The following HDAC7 variants were observed in gnomAD, a reference collection of about 807,000 sequenced individuals.
HDAC7 encodes histone deacetylase 7.
HDAC7 carries 26 observed loss-of-function variants against 115.5 expected under a neutral mutation model. The ratio of observed to expected loss-of-function variants is 0.23; its 90% confidence interval spans 0.16 to 0.31. The LOEUF (loss-of-function observed/expected upper bound fraction) is 0.31, where lower values mean the gene tolerates loss of function less well. HDAC7 is among the 10% of genes least tolerant of loss of function. HDAC7 has a pLI of 1.00. For missense variants in HDAC7, 1,068 were observed against 1,329.0 expected, an observed-to-expected ratio of 0.80 and a Z score of 3.05; for synonymous variants, 564 against 550.9, an observed-to-expected ratio of 1.02 and a Z score of -0.33.
intron 1 of HDAC7, 133 bp from the exon 2 acceptor site, chr12:47,802,407 A>G (rs560120680): frequency 6.5e-7 from 1 of 1,539,494 alleles, no homozygotes; most frequent in South Asian, 1.2e-5. Context: ...GACCTCCACC[A>G]GAAGCTAATC....
At position 47,798,526 on chromosome 12, in the gene HDAC7, T is replaced by TGGGGCTGGGC. The variant is rs1555141679; in HGVS notation, c.349+26_349+35dup. 1 of 1,591,354 alleles carries TGGGGCTGGGC rather than the reference T, an allele frequency of 6.3e-7. No individual in the cohort carries two copies. The highest frequency in any genetic ancestry group is 8.6e-7 in the Non-Finnish European group (1 of 1,161,838). ...CAGGCAGCCGCAGGCACCTGGCTGG[T>TGGGGCTGGGC]GGGGCTGGGCTGGGCTGGGGTGGCC... On this transcript the variant is annotated intron_variant, in intron 4 of 25. Transcript: ENST00000080059. The surrounding 1 kb of genome is among the most constrained non-coding windows in gnomAD (Gnocchi z 4.3).
At chr12:47,791,213 C>G in intron 16 of HDAC7, 46 bp downstream of exon 16, 3 of 1,525,852 alleles carry the variant, frequency 2.0e-6, no homozygotes, top group Non-Finnish European at 2.7e-6. Context: ...GGGAGGAGAG[C>G]TGAGAGCCCT....
chr12:47,786,252 C>T lies in HDAC7; in HGVS notation c.2572+333G>A, dbSNP rs1053111851. Among the ~76,000 whole-genome samples, 11 of 152,238 alleles carry T rather than the reference C, an allele frequency of 7.2e-5. 1 individual carries two copies. The highest frequency in any genetic ancestry group is 2.6e-4 in the Admixed American group (4 of 15,292). ...GAGAGTGCTGCTTCTCTCTCCCCTT[C>T]CTCTGGAGGAGCTGCCAGCCCACCT... On this transcript the variant is annotated intron_variant, in intron 22 of 25. Coordinates refer to ENST00000080059, the MANE Select transcript of HDAC7 (RefSeq NM_015401.5).
chr12:47,821,182 C>T (rs930869967), upstream of HDAC7, among the ~76,000 whole-genome samples: 8 of 152,190 alleles, frequency 5.3e-5, no homozygotes. Context: ...ATTGAGGCAG[C>T]CCCAGAGGTG....
intron 12 of HDAC7, among the ~76,000 whole-genome samples, chr12:47,794,377 A>G (rs915280699): frequency 1.3e-5 from 2 of 152,238 alleles, no homozygotes; most frequent in African/African-American, 4.8e-5. Flanking sequence ...TGATTCCCAC[A>G]GTGAGAGCAT....
chr12:47,784,861 C>T lies in HDAC7; in HGVS notation c.2791+526G>A. 6 of 1,259,334 alleles carry T rather than the reference C, an allele frequency of 4.8e-6. No homozygotes were observed. In the Admixed American group the frequency reaches 6.1e-5, roughly 13 times the overall value. The allele number at this position is 1,259,334 out of a possible 1,614,324, so 78.0% of individuals were successfully genotyped here. ...GTAAAGACATCACGGCTCCCCTACC[C>T]AGCCCTTGATATGGGAATCTATTTT... is the stretch of plus-strand genomic sequence containing the variant. On this transcript the variant is annotated intron_variant, in intron 24 of 25. Coordinates refer to ENST00000080059, the MANE Select transcript of HDAC7 (RefSeq NM_015401.5).
rs1303412314 is a variant in HDAC7 at position 47,788,105 on chromosome 12, G to A, written c.2295C>T (p.Tyr765=). 5 of 1,613,718 alleles carry A rather than the reference G, an allele frequency of 3.1e-6. No homozygotes were observed. The Admixed American group carries it at 6.7e-5, about 22-fold the overall frequency. Residue 765 remains tyrosine (Y), a synonymous_variant, in exon 20 of 26, where the codon TAC becomes TAT. Transcript: ENST00000080059. ...QTFYQDPSVL[Y]ISLHRHDDGN... is the part of the protein sequence containing the mutation. ...CGTCGTCATGGCGATGCAGGGAGAT[G>A]TAGAGCACACTGGGGTCTTGGTAGA...
In HDAC7 at chr12:47,793,710, G is replaced by A; in HGVS notation, c.1459-122C>T. 1 of 745,158 alleles carries A rather than the reference G, an allele frequency of 1.3e-6. No homozygotes were observed. The highest frequency in any genetic ancestry group is 2.0e-5 in the South Asian group (1 of 49,086). 46.2% of individuals were successfully genotyped at this position (745,158 alleles called of 1,614,324 possible). A position where few individuals can be genotyped will look rare whatever the true frequency, so the allele number is the denominator to read the frequency against. ...CTAGAGAGATTCCAGGATAAACCTAGACCTGCTGTCCAGTGGGGCTCTGGC... is the reference window on the plus strand; with the variant it reads ...CTAGAGAGATTCCAGGATAAACCTAAACCTGCTGTCCAGTGGGGCTCTGGC... On this transcript the variant is annotated intron_variant, in intron 12 of 25. Transcript: ENST00000080059. The surrounding 1 kb of genome is among the most constrained non-coding windows in gnomAD (Gnocchi z 4.5).
Position 47,785,396 on chromosome 12 carries a change from G to C in HDAC7, c.2782C>G (p.Arg928Gly). The C allele has an allele frequency of 6.2e-7, 1 of 1,609,696 alleles. No individual in the cohort carries two copies. Among genetic ancestry groups the C allele is most frequent in the Non-Finnish European group, 8.5e-7 (1 of 1,178,150 alleles). ...CCATCTCCACACTTACTGTGCACCC[G>C]GATCACGGCCTCCAGAGAGCGGATG... is the stretch of plus-strand genomic sequence containing the variant. Reference protein sequence around the residue: ...NAIRSLEAVIRVHSKYWGCMQ... With the variant: ...NAIRSLEAVIGVHSKYWGCMQ... The change falls in exon 24 of 26, where the codon CGG becomes GGG. Residue 928 changes from arginine to glycine, a missense_variant. Around this residue, in one of 6 missense-constraint regions of HDAC7, gnomAD observed 98 missense variants for 123.9 expected, o/e 0.79. Transcript: ENST00000080059.
In HDAC7 at chr12:47,786,697, G is replaced by A. The variant is rs778316682; in HGVS notation, c.2460C>T (p.Val820=). 8.7e-6 allele frequency: 14 copies of A among 1,612,360 alleles called. No homozygotes were observed. The highest frequency in any genetic ancestry group is 1.3e-5 in the African/African-American group (1 of 74,900). Residue 820 remains valine, a synonymous_variant, in exon 22 of 26, where the codon GTC becomes GTT. Coordinates refer to ENST00000080059, the MANE Select transcript of HDAC7 (RefSeq NM_015401.5). The part of the protein sequence containing the change: ...DPEYLAAFRI[V]VMPIAREFSP... ...AGAACTCTCGGGCGATGGGCATCAC[G>A]ACTATCCTGTGAGGTCACAAGAAGT...
Position 47,795,074 on chromosome 12 carries a change from C to T in HDAC7, c.1284+110G>A. On this transcript the variant is annotated intron_variant, in intron 11 of 25. Coordinates refer to ENST00000080059, the MANE Select transcript of HDAC7 (RefSeq NM_015401.5). This position sits in a 1 kb window ranked among gnomAD's most constrained non-coding sequence, Gnocchi z 4.3. ...CTCTGGGCCCCAAGAAGCCACATCC[C>T]CCTCTTTTGCCCTCCAGTTCCCTGC... 1 of 1,300,146 alleles carries T rather than the reference C, an allele frequency of 7.7e-7. No individual in the cohort carries two copies. The highest frequency in any genetic ancestry group is 1.4e-5 in the South Asian group (1 of 72,798). The allele number at this position is 1,300,146 out of a possible 1,614,324, so 80.5% of individuals were successfully genotyped here.
intron 19 of HDAC7, 189 bp from the exon 20 acceptor site, chr12:47,788,353 C>G (rs1943289031): frequency 1.6e-5 from 9 of 570,352 alleles, no homozygotes; most frequent in Non-Finnish European, 2.6e-5. Context: ...ACCTCGGCCT[C>G]TCTGTGCTGG....
rs756017828 is a variant in HDAC7, at chr12:47,785,387, T to C, written c.2791A>G (p.Ser931Gly). 1.9e-6 allele frequency: 3 copies of C among 1,607,488 alleles called. No individual in the cohort carries two copies. Among genetic ancestry groups the C allele is most frequent in the East Asian group, 4.5e-5 (2 of 44,736 alleles). ...GCGAGTGTCCCATCTCCACACTTAC[T>C]GTGCACCCGGATCACGGCCTCCAGA... is the stretch of plus-strand genomic sequence containing the variant. Reference protein sequence around the residue: ...RSLEAVIRVHSKYWGCMQRLA... With the variant: ...RSLEAVIRVHGKYWGCMQRLA... The change falls in exon 24 of 26, where the codon AGT (serine) becomes GGT (glycine). Residue 931 changes from serine to glycine, a missense_variant and splice_region_variant. Ser to Gly is a moderately conservative substitution (Grantham distance 56). Around this residue, in one of 6 missense-constraint regions of HDAC7, gnomAD observed 98 missense variants for 123.9 expected, o/e 0.79. Transcript: ENST00000080059.
rs1345644115 is a variant in HDAC7 at position 47,798,966 on chromosome 12, G to A, written c.77C>T (p.Pro26Leu). 6.6e-7 allele frequency: 1 copy of A among 1,503,824 alleles called. No homozygotes were observed. 93.2% of individuals were successfully genotyped at this position (1,503,824 alleles called of 1,614,324 possible). A position where few individuals can be genotyped will look rare whatever the true frequency, so the allele number is the denominator to read the frequency against. Residue 26 changes from proline to leucine, a missense_variant, in exon 3 of 26, where the codon CCC becomes CTC. Pro to Leu is a moderately conservative substitution (Grantham distance 98, BLOSUM62 -3). Coordinates refer to ENST00000080059, the MANE Select transcript of HDAC7 (RefSeq NM_015401.5). The surrounding 1 kb of genome is among the most constrained non-coding windows in gnomAD (Gnocchi z 4.3). ...GCCTGGTGTGTCTGCACAGGGCCTG[G>A]GGCAGCCTAGGGACAGAGAGAGGGA... ...HYCSPTGAGC[P>L]RPCADTPGPQ...
intron 1 of HDAC7, among the ~76,000 whole-genome samples, chr12:47,805,418 G>T (rs1038516287): frequency 1.3e-5 from 2 of 152,152 alleles, no homozygotes; most frequent in African/African-American, 4.8e-5. Flanking sequence ...AGAAGACCTA[G>T]GCCCCAGCAG....
intron 1 of HDAC7, among the ~76,000 whole-genome samples, chr12:47,814,730 G>T (rs1453078953): frequency 3.3e-5 from 5 of 152,190 alleles, no homozygotes; most frequent in Admixed American, 6.5e-5. Flanking sequence ...TCAGCCCAGG[G>T]CCTCCACCTG....
intron 1 of HDAC7, among the ~76,000 whole-genome samples, chr12:47,809,299 T>C (rs1944547115): frequency 6.6e-6 from 1 of 152,142 alleles, no homozygotes; most frequent in Non-Finnish European, 1.5e-5. Flanking sequence ...TACTCCTGCT[T>C]TGCCCACTGG....
At chr12:47,800,886 T>C (rs1944134686) in intron 2 of HDAC7, among the ~76,000 whole-genome samples, 1 of 152,210 alleles carries the variant, frequency 6.6e-6, no homozygotes, top group Non-Finnish European at 1.5e-5. Context: ...CTTTTCGAGG[T>C]GCTTTAGCAT....
At chr12:47,802,307 A>C (rs1944206708) in intron 1 of HDAC7, 33 bp from the exon 2 acceptor site, 1 of 1,607,958 alleles carries the variant, frequency 6.2e-7, no homozygotes, top group African/African-American at 1.3e-5. Flanking sequence ...AAAGAGCTGC[A>C]GGGAGGGGTG....
Sources: gnomAD v4.1 joint callset for allele counts (sites outside exome capture counted in the v4.1 genomes callset) on GRCh38, gnomAD v4.1.1 for gene constraint, gnomAD v4.1.1 regional missense constraint, Gnocchi (gnomAD v3.1) non-coding constraint, MANE v1.5 for transcripts, NCBI Gene and HGNC (gene_info 2026-07-23, HGNC 2026-07-21) for gene names.